The following DGKB variants were observed in gnomAD, a reference collection of about 807,000 sequenced individuals.
DGKB encodes diacylglycerol kinase beta.
DGKB carries 67 observed loss-of-function variants against 114.3 expected under a neutral mutation model. That is an observed-to-expected ratio of 0.59 (90% CI 0.48 to 0.72). DGKB has a LOEUF of 0.72. Among genes scored for constraint, DGKB ranks in the 30% least tolerant of loss-of-function variants. The pLI is 0.00. For synonymous variants in DGKB, 398 were observed against 323.1 expected (o/e 1.23, Z -2.49); for missense variants, 907 against 975.2 (o/e 0.93, Z 0.93).
chr7:14,171,444 C>T (rs144447891), intron 25 of DGKB, among the ~76,000 whole-genome samples: 3 of 152,210 alleles, frequency 2.0e-5, no homozygotes, highest in African/African-American at 7.2e-5. Flanking sequence ...ATAAATGTGT[C>T]ATGAGTAATA....
intron 21 of DGKB, among the ~76,000 whole-genome samples, chr7:14,406,817 A>C (rs1824011276): frequency 6.6e-6 from 1 of 152,110 alleles, no homozygotes; most frequent in South Asian, 2.1e-4. Context: ...GTTATATACA[A>C]TTTTCTCAAG....
chr7:14,204,701 T>C (rs1170174890), intron 23 of DGKB, among the ~76,000 whole-genome samples: 2 of 151,992 alleles, frequency 1.3e-5, no homozygotes, highest in East Asian at 3.9e-4. Flanking sequence ...AATTACAAAA[T>C]AGCCAAGACC....
intron 1 of DGKB, among the ~76,000 whole-genome samples, chr7:14,948,446 G>A (rs80022210): frequency 1.2e-3 from 175 of 151,784 alleles, no homozygotes; most frequent in South Asian, 3.3e-3. Context: ...CAACGGCAAC[G>A]AATTGAGCAG....
At chr7:14,731,737 G>A (rs907099336) in intron 5 of DGKB, among the ~76,000 whole-genome samples, 1 of 152,124 alleles carries the variant, frequency 6.6e-6, no homozygotes, top group East Asian at 1.9e-4. Context: ...GATTTTAAAA[G>A]TGTATAAAGA....
chr7:14,283,667 T>C (rs1227982988), intron 23 of DGKB, among the ~76,000 whole-genome samples: 2 of 151,124 alleles, frequency 1.3e-5, no homozygotes, highest in Non-Finnish European at 2.9e-5. Context: ...AAAACAGAGA[T>C]ATAGATCAAT....
At chr7:14,335,995 T>C (rs539792331) in intron 23 of DGKB, among the ~76,000 whole-genome samples, 1 of 152,274 alleles carries the variant, frequency 6.6e-6, no homozygotes, top group Admixed American at 6.5e-5. Flanking sequence ...CCTCCTGCCT[T>C]GGCCTCCCAA....
At chr7:14,402,084 T>A (rs1190764241) in intron 21 of DGKB, among the ~76,000 whole-genome samples, 1 of 151,738 alleles carries the variant, frequency 6.6e-6, no homozygotes, top group African/African-American at 2.4e-5. Flanking sequence ...CAGGGGCTAA[T>A]AATTACCATT....
intron 23 of DGKB, among the ~76,000 whole-genome samples, chr7:14,304,087 A>ACACACACACACT (rs140836395): frequency 1.5e-4 from 16 of 110,122 alleles, no homozygotes; most frequent in South Asian, 7.7e-4. Flanking sequence ...ACACACACAC[A>ACACACACACACT]CTCTCTCTCT....
intron 1 of DGKB, among the ~76,000 whole-genome samples, chr7:14,923,514 A>G (rs1784607371): frequency 6.6e-6 from 1 of 152,200 alleles, no homozygotes; most frequent in South Asian, 2.1e-4. Context: ...ATTATCTAAA[A>G]TTATTTGAAA....
At chr7:14,668,416 T>C (rs1818409495) in intron 13 of DGKB, among the ~76,000 whole-genome samples, 1 of 152,090 alleles carries the variant, frequency 6.6e-6, no homozygotes, top group African/African-American at 2.4e-5. Flanking sequence ...GGAGAAAATC[T>C]CAGAGCACAG....
intron 23 of DGKB, among the ~76,000 whole-genome samples, chr7:14,198,954 G>A (rs1307767137): frequency 6.6e-6 from 1 of 152,040 alleles, no homozygotes; most frequent in African/African-American, 2.4e-5. Context: ...ACTGAAATAT[G>A]TCTCAGAAGT....
chr7:14,624,400 A>G (rs1299444079), intron 14 of DGKB, among the ~76,000 whole-genome samples: 1 of 152,238 alleles, frequency 6.6e-6, no homozygotes, highest in African/African-American at 2.4e-5. Context: ...TTACACTTGA[A>G]GAATTAAATA....
intron 21 of DGKB, among the ~76,000 whole-genome samples, chr7:14,407,303 C>T (rs766489658): frequency 2.6e-5 from 4 of 152,076 alleles, no homozygotes; most frequent in Admixed American, 6.6e-5. Context: ...TATTGTTCAA[C>T]GTTGCTGAGT....
intron 9 of DGKB, among the ~76,000 whole-genome samples, chr7:14,692,123 C>A (rs73680189): frequency 0.019 from 2,930 of 151,780 alleles, 92 homozygotes; most frequent in African/African-American, 0.067. Context: ...TATAACTTCA[C>A]AAATATCTAT....
chr7:14,224,023 G>A (rs921140096), intron 23 of DGKB, among the ~76,000 whole-genome samples: 5 of 150,548 alleles, frequency 3.3e-5, no homozygotes, highest in Admixed American at 6.7e-5. Context: ...ATTTCTTCAC[G>A]TTTATCCTAT....
At chr7:14,331,212 A>G (rs1304857470) in intron 23 of DGKB, among the ~76,000 whole-genome samples, 1 of 152,090 alleles carries the variant, frequency 6.6e-6, no homozygotes, top group African/African-American at 2.4e-5. Context: ...TTTTCAACCA[A>G]TGAAAATATC....
At chr7:14,803,401 T>A (rs899396312) in intron 2 of DGKB, among the ~76,000 whole-genome samples, 5 of 152,174 alleles carry the variant, frequency 3.3e-5, no homozygotes, top group Admixed American at 6.6e-5. Flanking sequence ...TTATACCAGT[T>A]AATTCTATGT....
intron 23 of DGKB, among the ~76,000 whole-genome samples, chr7:14,308,118 G>T (rs895891716): frequency 4.6e-5 from 7 of 151,996 alleles, no homozygotes; most frequent in Non-Finnish European, 7.4e-5. Flanking sequence ...TGTACTTCAA[G>T]AATGTATATA....
chr7:14,745,400 T>C (rs2128420263), intron 4 of DGKB, among the ~76,000 whole-genome samples: 1 of 152,310 alleles, frequency 6.6e-6, no homozygotes, highest in Middle Eastern at 3.4e-3. Context: ...GCAGTACCTC[T>C]TGTGTACCAC....
Sources: gnomAD v4.1 joint callset for allele counts (sites outside exome capture counted in the v4.1 genomes callset) on GRCh38, gnomAD v4.1.1 for gene constraint, MANE v1.5 for transcripts, NCBI Gene and HGNC (gene_info 2026-07-23, HGNC 2026-07-21) for gene names.